SPIRE1: variants seen among roughly 807,000 people sequenced by gnomAD.
The protein encoded by SPIRE1 is spire type actin nucleation factor 1.
In SPIRE1, 40 loss-of-function variants were observed where a neutral mutation model predicts 94.1. The ratio of observed to expected loss-of-function variants is 0.43; its 90% CI spans 0.33 to 0.55. SPIRE1 has a LOEUF of 0.55. SPIRE1 is among the 20% of genes least tolerant of loss of function. The probability of loss-of-function intolerance (pLI) is 0.06; values close to 1 mark genes in which losing one functional copy is unlikely to be tolerated. For synonymous variants in SPIRE1, 376 were observed against 371.7 expected, an observed-to-expected ratio of 1.01 and a Z score of -0.13; for missense variants, 838 against 975.2, an observed-to-expected ratio of 0.86 and a Z score of 1.87.
rs548692797 is a variant in SPIRE1, at chr18:12,531,351, G to C, written c.729+4125C>G. Among the ~76,000 whole-genome samples, 25 of 152,176 alleles carry C rather than the reference G, an allele frequency of 1.6e-4. No homozygotes were observed. The South Asian group carries it at 5.2e-3, about 32-fold the overall frequency. ...TCCAAAGCCAAATCTTAGTCTTTCT[G>C]ACTCACATATTCTCTCTCCAGAACT... On this transcript the variant is annotated intron_variant, in intron 4 of 16. Coordinates refer to ENST00000409402, the MANE Select transcript of SPIRE1 (RefSeq NM_001128626.2).
intron 2 of SPIRE1, among the ~76,000 whole-genome samples, chr18:12,573,513 A>C (rs2036011233): frequency 6.6e-6 from 1 of 152,224 alleles, no homozygotes; most frequent in Non-Finnish European, 1.5e-5. Context: ...AAAAACCTGC[A>C]CATGAATGTT....
At chr18:12,656,655 CA>C (rs1181969874) in intron 1 of SPIRE1, 1 of 957,892 alleles carries the variant, frequency 1.0e-6, no homozygotes, top group Non-Finnish European at 1.2e-6. Flanking sequence ...ACTTGCCTCT[CA>C]AAAGAATGAA....
At chr18:12,575,214 T>C (rs2036062081) in intron 2 of SPIRE1, among the ~76,000 whole-genome samples, 1 of 152,110 alleles carries the variant, frequency 6.6e-6, no homozygotes, top group Admixed American at 6.6e-5. Context: ...CTGACAGTGA[T>C]ACAGCAATTA....
chr18:12,563,745 A>ATT (rs1315780690), intron 2 of SPIRE1, among the ~76,000 whole-genome samples: 1 of 152,174 alleles, frequency 6.6e-6, no homozygotes. Context: ...CACTCAAAAT[A>ATT]GAACAAGATA....
At chr18:12,490,487 C>T (rs1379620622) in intron 8 of SPIRE1, among the ~76,000 whole-genome samples, 1 of 152,148 alleles carries the variant, frequency 6.6e-6, no homozygotes, top group South Asian at 2.1e-4. Flanking sequence ...GAGGCCAAAA[C>T]CCCCAAAATT....
intron 3 of SPIRE1, among the ~76,000 whole-genome samples, chr18:12,545,537 T>C (rs1421223510): frequency 1.3e-5 from 2 of 152,184 alleles, no homozygotes; most frequent in African/African-American, 4.8e-5. Context: ...GTAAATATCA[T>C]ATATAAATAA....
rs1005127461 is a variant in SPIRE1 at position 12,629,710 on chromosome 18, C to T, written c.372+5352G>A. ...TAGGGATAGTTAACAACAAAATATC[C>T]TTGTCAAAACTCAAAGAATTAAATA... is the stretch of plus-strand genomic sequence containing the variant. On this transcript the variant is annotated intron_variant, in intron 2 of 16. Transcript: ENST00000409402. Among the ~76,000 whole-genome samples the T allele has an allele frequency of 3.8e-4, 58 of 151,948 alleles. 1 individual carries two copies. The highest frequency in any genetic ancestry group is 1.2e-4 in the Non-Finnish European group (8 of 68,014).
rs771332200 is a variant in SPIRE1 at position 12,471,711 on chromosome 18, T to G, written c.1405-6753A>C. On this transcript the variant is annotated intron_variant, in intron 10 of 16. Transcript: ENST00000409402. ...ACATGGACTTCAGAGTTAGACAGAC[T>G]TGGGTTTCAAATCTAACTTTATCAT... Among the ~76,000 whole-genome samples the G allele has an allele frequency of 3.4e-4, 52 of 152,372 alleles. 1 individual carries two copies. Among genetic ancestry groups the G allele is most frequent in the Admixed American group, 1.0e-3 (16 of 15,308 alleles).
intron 6 of SPIRE1, among the ~76,000 whole-genome samples, chr18:12,504,414 C>T (rs201995337): frequency 2.6e-5 from 4 of 151,586 alleles, no homozygotes; most frequent in Non-Finnish European, 5.9e-5. Flanking sequence ...GGCTGAGGCA[C>T]GAGAATCACT....
intron 2 of SPIRE1, among the ~76,000 whole-genome samples, chr18:12,599,608 A>T (rs936431841): frequency 4.6e-5 from 7 of 152,152 alleles, no homozygotes; most frequent in African/African-American, 1.7e-4. Context: ...TTTGTCTTTC[A>T]TTACAATGAC....
chr18:12,597,339 A>C (rs1183384275), intron 2 of SPIRE1, among the ~76,000 whole-genome samples: 2 of 151,960 alleles, frequency 1.3e-5, no homozygotes, highest in Non-Finnish European at 2.9e-5. Context: ...CCTGAAGGAG[A>C]GCTAGAGGGG....
At chr18:12,481,934 C>T (rs562080449) in intron 9 of SPIRE1, among the ~76,000 whole-genome samples, 1 of 152,194 alleles carries the variant, frequency 6.6e-6, no homozygotes, top group East Asian at 1.9e-4. Flanking sequence ...ACACACCTTC[C>T]ACCTTTCCTA....
intron 4 of SPIRE1, among the ~76,000 whole-genome samples, chr18:12,521,863 A>G (rs1486983757): frequency 1.3e-5 from 2 of 152,040 alleles, no homozygotes; most frequent in East Asian, 3.9e-4. Flanking sequence ...CAGTGTCCAT[A>G]TAAGACAACA....
At chr18:12,591,572 A>G (rs1288270301) in intron 2 of SPIRE1, among the ~76,000 whole-genome samples, 2 of 152,214 alleles carry the variant, frequency 1.3e-5, no homozygotes, top group Non-Finnish European at 2.9e-5. Context: ...AGAAATGGGC[A>G]GTTTCCGGCT....
chr18:12,545,221 A>G (rs548825379), intron 3 of SPIRE1, among the ~76,000 whole-genome samples: 1 of 152,298 alleles, frequency 6.6e-6, no homozygotes, highest in Non-Finnish European at 1.5e-5. Flanking sequence ...AACACATCAA[A>G]TTTCTATTTG....
intron 3 of SPIRE1, among the ~76,000 whole-genome samples, chr18:12,542,972 A>G (rs966998787): frequency 6.6e-6 from 1 of 152,204 alleles, no homozygotes; most frequent in East Asian, 1.9e-4. Context: ...GATTTCAGGC[A>G]TGCACCACCA....
chr18:12,539,585 A>G (rs7408059), intron 3 of SPIRE1, among the ~76,000 whole-genome samples: 3 of 144,692 alleles, frequency 2.1e-5, no homozygotes, highest in Non-Finnish European at 3.0e-5. Flanking sequence ...ATACACACAC[A>G]CGCACACACA....
At chr18:12,524,299 A>G (rs1004183957) in intron 4 of SPIRE1, among the ~76,000 whole-genome samples, 1 of 152,234 alleles carries the variant, frequency 6.6e-6, no homozygotes, top group Non-Finnish European at 1.5e-5. Context: ...CTGGGCATCT[A>G]TAATTCATCC....
At chr18:12,623,993 G>C (rs567532189) in intron 2 of SPIRE1, among the ~76,000 whole-genome samples, 1 of 150,346 alleles carries the variant, frequency 6.7e-6, no homozygotes, top group Non-Finnish European at 1.5e-5. Context: ...GAGTGGTCTC[G>C]GCTCACTGCA....
Sources: gnomAD v4.1 joint callset for allele counts (sites outside exome capture counted in the v4.1 genomes callset) on GRCh38, gnomAD v4.1.1 for gene constraint, MANE v1.5 for transcripts, NCBI Gene and HGNC (gene_info 2026-07-23, HGNC 2026-07-21) for gene names.